The following GRID1 variants were observed in gnomAD, a reference collection of about 807,000 sequenced individuals.
GRID1 encodes the protein glutamate ionotropic receptor delta type subunit 1.
GRID1 carries 28 observed loss-of-function variants against 98.0 expected under a neutral mutation model. The observed-to-expected ratio is 0.29, with a 90% CI of 0.21 to 0.39. The LOEUF is 0.39. Among genes scored for constraint, GRID1 ranks in the 10% least tolerant of loss-of-function variants. The pLI, the probability that GRID1 is intolerant of heterozygous loss-of-function variation, is 1.00. For synonymous variants in GRID1, 553 were observed against 538.5 expected (o/e 1.03, Z -0.37); for missense variants, 1,111 against 1,340.5 (o/e 0.83, Z 2.67).
chr10:85,706,076 A>G (rs1841514515), intron 12 of GRID1, among the ~76,000 whole-genome samples: 1 of 151,992 alleles, frequency 6.6e-6, no homozygotes. Flanking sequence ...CTCTCTCACC[A>G]CTCCTATTTA....
intron 5 of GRID1, among the ~76,000 whole-genome samples, chr10:85,875,275 C>A (rs576998819): frequency 1.3e-5 from 2 of 152,218 alleles, no homozygotes; most frequent in African/African-American, 4.8e-5. Context: ...TCTAGTAACA[C>A]ATCTTGCCTT....
At chr10:85,604,867 C>T (rs564352185) in intron 15 of GRID1, among the ~76,000 whole-genome samples, 62 of 152,290 alleles carry the variant, frequency 4.1e-4, no homozygotes, top group Non-Finnish European at 7.9e-4. Context: ...GATCTTTTCC[C>T]AAGGAAGTCT....
At chr10:86,095,211 G>A (rs1484876462) in intron 4 of GRID1, among the ~76,000 whole-genome samples, 1 of 152,086 alleles carries the variant, frequency 6.6e-6, no homozygotes, top group African/African-American at 2.4e-5. Flanking sequence ...AACTCAAGAT[G>A]GATTAAGGAC....
At chr10:86,203,790 A>C (rs1197750858) in intron 3 of GRID1, among the ~76,000 whole-genome samples, 2 of 151,928 alleles carry the variant, frequency 1.3e-5, no homozygotes, top group Non-Finnish European at 2.9e-5. Flanking sequence ...CCAGGTCTGA[A>C]CCAGCAAACA....
At chr10:85,783,636 T>C (rs1842400131) in intron 8 of GRID1, among the ~76,000 whole-genome samples, 1 of 152,148 alleles carries the variant, frequency 6.6e-6, no homozygotes, top group Admixed American at 6.5e-5. Flanking sequence ...CTAAAAACAC[T>C]TCGTCCTTGT....
At position 86,192,537 on chromosome 10, in the gene GRID1, G is replaced by C. The variant is rs1012734389; in HGVS notation, c.520+13827C>G. ...GTGGGTGCTGAGGGCTGAAGGGAGG[G>C]GGGAGATGGGGGTCTTTGTTGAATG... On this transcript the variant is annotated intron_variant, in intron 3 of 15. Coordinates refer to ENST00000327946, the MANE Select transcript of GRID1 (RefSeq NM_017551.3). The surrounding 1 kb of genome is among the most constrained non-coding windows in gnomAD (Gnocchi z 4.8). Among the ~76,000 whole-genome samples the C allele has an allele frequency of 6.7e-6, 1 of 149,966 alleles. No individual in the cohort carries two copies. The highest frequency in any genetic ancestry group is 1.5e-5 in the Non-Finnish European group (1 of 66,366).
intron 5 of GRID1, among the ~76,000 whole-genome samples, chr10:85,901,955 G>C (rs1439500586): frequency 6.6e-6 from 1 of 152,206 alleles, no homozygotes; most frequent in Non-Finnish European, 1.5e-5. Context: ...TTAACATATA[G>C]AAGTGCATTT....
In GRID1 at chr10:85,602,525, C is replaced by G; in HGVS notation, c.2778G>C (p.Ser926=). The change falls in exon 16 of 16, where the codon TCG becomes TCC. Residue 926 remains serine (S), a synonymous_variant. Transcript: ENST00000327946. ...PTREYQNTQL[S]VSTFLPEQSS... is the part of the protein sequence containing the mutation. ...TCTGCTCTGGCAGAAAGGTGCTGAC[C>G]GAGAGCTGGGTGTTCTGGTACTCCC... 6.2e-7 allele frequency: 1 copy of G among 1,613,992 alleles called. No homozygotes were observed. The highest frequency in any genetic ancestry group is 8.5e-7 in the Non-Finnish European group (1 of 1,180,016).
chr10:85,886,675 G>A (rs1019204410), intron 5 of GRID1, among the ~76,000 whole-genome samples: 3 of 152,164 alleles, frequency 2.0e-5, no homozygotes, highest in Non-Finnish European at 4.4e-5. Flanking sequence ...CAGGTTGAGG[G>A]ACAAAGAGGA....
At chr10:85,994,143 G>C (rs1167166812) in intron 4 of GRID1, among the ~76,000 whole-genome samples, 1 of 152,156 alleles carries the variant, frequency 6.6e-6, no homozygotes, top group Non-Finnish European at 1.5e-5. Flanking sequence ...CAACAGGAAA[G>C]AAAAATGAGC....
chr10:85,997,761 TC>T (rs1842757417), intron 4 of GRID1, among the ~76,000 whole-genome samples: 1 of 151,874 alleles, frequency 6.6e-6, no homozygotes, highest in Non-Finnish European at 1.5e-5. Flanking sequence ...AACATATCGA[TC>T]AAAAATTGAT....
intron 4 of GRID1, among the ~76,000 whole-genome samples, chr10:86,017,060 T>C (rs972239018): frequency 1.3e-5 from 2 of 152,248 alleles, no homozygotes; most frequent in Admixed American, 1.3e-4. Context: ...CACATGTAAC[T>C]ACAGAGATCA....
rs533999804 is a variant in GRID1, at chr10:86,262,075, G to C, written c.236-55427C>G. On this transcript the variant is annotated intron_variant, in intron 2 of 15. Coordinates refer to ENST00000327946, the MANE Select transcript of GRID1 (RefSeq NM_017551.3). ...TCCAGCGTAACACAGCCAGGAGGTGGCAGTGGTGAATCTGGCCCCAAAGCC... is the reference window on the plus strand; with the variant it reads ...TCCAGCGTAACACAGCCAGGAGGTGCCAGTGGTGAATCTGGCCCCAAAGCC... Among the ~76,000 whole-genome samples the C allele has an allele frequency of 4.1e-4, 62 of 152,342 alleles. 1 individual carries two copies. The highest frequency in any genetic ancestry group is 4.4e-4 in the Non-Finnish European group (30 of 68,036).
At position 86,214,415 on chromosome 10, in the gene GRID1, C is replaced by T. The variant is rs1386539522; in HGVS notation, c.236-7767G>A. ...CATTCCCTCTAGAGAACCTTCCACA[C>T]CGTCCCCAGTCTTCCCTCACCATGG... is the stretch of plus-strand genomic sequence containing the variant. On this transcript the variant is annotated intron_variant, in intron 2 of 15. Transcript: ENST00000327946. Among the ~76,000 whole-genome samples the T allele has an allele frequency of 1.3e-5, 2 of 152,220 alleles. 1 individual carries two copies. The highest frequency in any genetic ancestry group is 4.1e-4 in the South Asian group (2 of 4,826).
At chr10:85,972,401 T>C (rs1186084686) in intron 4 of GRID1, among the ~76,000 whole-genome samples, 2 of 149,730 alleles carry the variant, frequency 1.3e-5, no homozygotes, top group East Asian at 3.9e-4. Flanking sequence ...CCATGAATCG[T>C]CAGATTCCAG....
At chr10:86,063,023 G>A (rs987249928) in intron 4 of GRID1, among the ~76,000 whole-genome samples, 14 of 152,250 alleles carry the variant, frequency 9.2e-5, no homozygotes, top group Middle Eastern at 3.2e-3. Context: ...ACAGGGGTCC[G>A]TTCAGGAATC....
At chr10:85,657,516 A>G (rs537910389) in intron 12 of GRID1, among the ~76,000 whole-genome samples, 2 of 152,336 alleles carry the variant, frequency 1.3e-5, no homozygotes, top group East Asian at 1.9e-4. Flanking sequence ...TATATGAATG[A>G]GTTGGCCTTT....
chr10:85,993,831 T>C (rs898122663), intron 4 of GRID1, among the ~76,000 whole-genome samples: 1 of 152,036 alleles, frequency 6.6e-6, no homozygotes, highest in South Asian at 2.1e-4. Context: ...CCTAGGAGAG[T>C]AATGAGACTC....
chr10:86,010,876 GA>G (rs1330793710), intron 4 of GRID1, among the ~76,000 whole-genome samples: 3 of 151,022 alleles, frequency 2.0e-5, no homozygotes, highest in African/African-American at 2.4e-5. Flanking sequence ...TGTTTGTGTA[GA>G]AAAAAATAAG....
Sources: gnomAD v4.1 joint callset for allele counts (sites outside exome capture counted in the v4.1 genomes callset) on GRCh38, gnomAD v4.1.1 for gene constraint, Gnocchi (gnomAD v3.1) non-coding constraint, MANE v1.5 for transcripts, NCBI Gene and HGNC (gene_info 2026-07-23, HGNC 2026-07-21) for gene names.